Variants in PRR16 observed in about 807,000 individuals in gnomAD.
The protein encoded by PRR16 is protein Largen.
PRR16 carries 6 observed loss-of-function variants against 18.2 expected under a neutral mutation model. The observed-to-expected ratio is 0.33, with a 90% confidence interval of 0.18 to 0.65. The LOEUF (loss-of-function observed/expected upper bound fraction) is 0.65, where lower values mean the gene tolerates loss of function less well. Among genes scored for constraint, PRR16 ranks in the 30% least tolerant of loss-of-function variants. PRR16 has a pLI of 0.74. For synonymous variants in PRR16, 151 were observed against 147.8 expected (o/e 1.02, Z -0.16); for missense variants, 412 against 376.6 (o/e 1.09, Z -0.78).
intron 1 of PRR16, among the ~76,000 whole-genome samples, chr5:120,530,309 TTATA>T (rs1751510967): frequency 7.2e-6 from 1 of 139,326 alleles, no homozygotes; most frequent in Non-Finnish European, 1.5e-5. Flanking sequence ...ATTTATTTAT[TTATA>T]TTTTACTACA....
the PRR16 span, among the ~76,000 whole-genome samples, chr5:120,732,420 C>T: frequency 6.6e-6 from 1 of 152,094 alleles, no homozygotes; most frequent in African/African-American, 2.4e-5. Flanking sequence ...GAGCAGTACC[C>T]TGATATATTG....
intron 1 of PRR16, among the ~76,000 whole-genome samples, chr5:120,556,233 G>GTTTTTTTTTT: frequency 8.2e-6 from 1 of 121,758 alleles, no homozygotes; most frequent in Non-Finnish European, 1.7e-5. Context: ...CAATTTCATT[G>GTTTTTTTTTT]TTTTTTTTTT....
chr5:120,787,300 G>A, the PRR16 span, among the ~76,000 whole-genome samples: 1 of 152,086 alleles, frequency 6.6e-6, no homozygotes, highest in Non-Finnish European at 1.5e-5. Context: ...TACATGAAAA[G>A]CAATTTGAGG....
intron 1 of PRR16, among the ~76,000 whole-genome samples, chr5:120,575,160 A>G (rs532966605): frequency 1.6e-3 from 248 of 152,270 alleles, no homozygotes; most frequent in Non-Finnish European, 2.4e-3. Context: ...TATGACATTC[A>G]ATATTATGCA....
At chr5:120,552,052 T>C (rs1024352193) in intron 1 of PRR16, among the ~76,000 whole-genome samples, 2 of 151,942 alleles carry the variant, frequency 1.3e-5, no homozygotes, top group African/African-American at 4.8e-5. Flanking sequence ...CAATTCACAA[T>C]CCTCTATGAC....
intron 1 of PRR16, among the ~76,000 whole-genome samples, chr5:120,491,770 C>G (rs1274079419): frequency 6.6e-6 from 1 of 152,160 alleles, no homozygotes; most frequent in Non-Finnish European, 1.5e-5. Flanking sequence ...TCTTGAACTG[C>G]TGACCTCAGG....
chr5:120,686,962 T>C lies in PRR16; in HGVS notation c.*253T>C. 1 of 294,770 alleles carries C rather than the reference T, an allele frequency of 3.4e-6. No individual in the cohort carries two copies. Among genetic ancestry groups the C allele is most frequent in the Non-Finnish European group, 6.2e-6 (1 of 161,944 alleles). The allele number at this position is 294,770 out of a possible 1,614,324, so 18.3% of individuals were successfully genotyped here. On this transcript the variant is annotated 3_prime_UTR_variant, in exon 2 of 2. Transcript: ENST00000407149. ...TGATGCATTGTTTTTGCAATTGACC[T>C]ATGACAAACTGTGAACCTGCAGATT...
intron 1 of PRR16, among the ~76,000 whole-genome samples, chr5:120,664,516 T>C (rs1177216770): frequency 6.6e-6 from 1 of 151,722 alleles, no homozygotes; most frequent in Non-Finnish European, 1.5e-5. Flanking sequence ...TGCAGGTTAG[T>C]TACATATGTA....
intron 1 of PRR16, among the ~76,000 whole-genome samples, chr5:120,539,834 G>GTT (rs75029437): frequency 1.6e-4 from 24 of 151,484 alleles, no homozygotes; most frequent in African/African-American, 5.8e-4. Flanking sequence ...TGAATATTAG[G>GTT]TTTTTTTTTC....
the PRR16 span, among the ~76,000 whole-genome samples, chr5:120,753,982 A>C: frequency 8.4e-6 from 1 of 118,772 alleles, no homozygotes; most frequent in Admixed American, 1.1e-4. Flanking sequence ...ATATAATATA[A>C]TATATAACAT....
At chr5:120,770,907 G>A in the PRR16 span, among the ~76,000 whole-genome samples, 4 of 141,224 alleles carry the variant, frequency 2.8e-5, no homozygotes, top group Non-Finnish European at 4.5e-5. Flanking sequence ...AACTCTGTGA[G>A]TATTTGACTC....
chr5:120,777,154 T>C, the PRR16 span, among the ~76,000 whole-genome samples: 1 of 152,192 alleles, frequency 6.6e-6, no homozygotes, highest in African/African-American at 2.4e-5. Context: ...TTTCGCAGAC[T>C]TGATGTGAAT....
chr5:120,666,475 G>A (rs1756380937), intron 1 of PRR16, among the ~76,000 whole-genome samples: 4 of 151,328 alleles, frequency 2.6e-5, no homozygotes, highest in Admixed American at 2.0e-4. Flanking sequence ...AATTGCCCTG[G>A]CCAGAACTTC....
At chr5:120,706,118 C>A in the PRR16 span, among the ~76,000 whole-genome samples, 1 of 151,990 alleles carries the variant, frequency 6.6e-6, no homozygotes, top group East Asian at 1.9e-4. Flanking sequence ...AGAAAGAGAC[C>A]ATTTTCATAT....
At chr5:120,642,876 T>C (rs1047802172) in intron 1 of PRR16, among the ~76,000 whole-genome samples, 1 of 152,120 alleles carries the variant, frequency 6.6e-6, no homozygotes, top group African/African-American at 2.4e-5. Flanking sequence ...TAACTCTGTC[T>C]TGACATCTGT....
chr5:120,486,868 T>C (rs1308811621), intron 1 of PRR16, among the ~76,000 whole-genome samples: 1 of 152,240 alleles, frequency 6.6e-6, no homozygotes, highest in Non-Finnish European at 1.5e-5. Flanking sequence ...TACATATGGC[T>C]AGCCAGTTTT....
intron 1 of PRR16, among the ~76,000 whole-genome samples, chr5:120,545,975 T>C (rs1484681283): frequency 6.6e-6 from 1 of 152,110 alleles, no homozygotes; most frequent in East Asian, 1.9e-4. Context: ...TATGGCCTTC[T>C]ACTATTAAGG....
the PRR16 span, among the ~76,000 whole-genome samples, chr5:120,706,005 T>G: frequency 6.6e-6 from 1 of 152,220 alleles, no homozygotes; most frequent in African/African-American, 2.4e-5. Flanking sequence ...ATCATTGTGC[T>G]TTAACAGTCA....
At chr5:120,553,688 A>G (rs960571570) in intron 1 of PRR16, among the ~76,000 whole-genome samples, 4 of 151,810 alleles carry the variant, frequency 2.6e-5, no homozygotes, top group Non-Finnish European at 4.4e-5. Flanking sequence ...TACAGACATA[A>G]TAACCGTCTT....
Sources: gnomAD v4.1 joint callset for allele counts (sites outside exome capture counted in the v4.1 genomes callset) on GRCh38, gnomAD v4.1.1 for gene constraint, MANE v1.5 for transcripts, NCBI Gene and HGNC (gene_info 2026-07-23, HGNC 2026-07-21) for gene names.